UBXN7: variants seen among roughly 807,000 people sequenced by gnomAD.
The protein encoded by UBXN7 is UBX domain protein 7.
In UBXN7, 9 loss-of-function variants were observed where a neutral mutation model predicts 58.0. That is an observed-to-expected ratio of 0.16 (90% confidence interval 0.09 to 0.27). UBXN7 has a LOEUF of 0.27. UBXN7 is among the 10% of genes least tolerant of loss of function. The pLI is 1.00. For synonymous variants in UBXN7, 208 were observed against 205.0 expected, an observed-to-expected ratio of 1.01 and a Z score of -0.12; for missense variants, 328 against 599.6, an observed-to-expected ratio of 0.55 and a Z score of 4.73.
At chr3:196,393,421 C>G in intron 4 of UBXN7, 133 bp downstream of exon 4, 6 of 802,712 alleles carry the variant, frequency 7.5e-6, no homozygotes, top group Non-Finnish European at 1.1e-5. Flanking sequence ...GAGAATTAAT[C>G]ACATTCTGGA....
chr3:196,410,390 T>C (rs1730288942), intron 1 of UBXN7, among the ~76,000 whole-genome samples: 1 of 152,252 alleles, frequency 6.6e-6, no homozygotes, highest in African/African-American at 2.4e-5. Flanking sequence ...TCTTCTGTAC[T>C]ACTGTCTCTA....
At chr3:196,408,097 CAAAAAAA>C (rs71621241) in intron 1 of UBXN7, among the ~76,000 whole-genome samples, 12 of 45,240 alleles carry the variant, frequency 2.7e-4, no homozygotes, top group East Asian at 7.8e-4. Flanking sequence ...GACTCTGTCT[CAAAAAAA>C]AAAAAAAAAA....
At chr3:196,371,840 A>G in intron 6 of UBXN7, 56 bp downstream of exon 6, 1 of 1,574,248 alleles carries the variant, frequency 6.4e-7, no homozygotes, top group Admixed American at 1.9e-5. Context: ...TTCCCTCAAC[A>G]ACCCACACTA....
chr3:196,425,445 T>C (rs530640235), intron 1 of UBXN7, among the ~76,000 whole-genome samples: 2 of 151,980 alleles, frequency 1.3e-5, no homozygotes, highest in Admixed American at 6.6e-5. Context: ...TTTTAATACA[T>C]TTTGTAGAGA....
In UBXN7 at chr3:196,406,536, C is replaced by T. The variant is rs188826714; in HGVS notation, c.221+710G>A. ...GTCACTGCAACCTCTGCCTCCTGGG[C>T]TCAAGCAATTCTTGTGCCTCAGCCT... On this transcript the variant is annotated intron_variant, in intron 2 of 10. Coordinates refer to ENST00000296328, the MANE Select transcript of UBXN7 (RefSeq NM_015562.2). Among the ~76,000 whole-genome samples, 790 of 152,040 alleles carry T rather than the reference C, an allele frequency of 5.2e-3. 5 individuals carry two copies. The highest frequency in any genetic ancestry group is 8.5e-3 in the Non-Finnish European group (578 of 67,968).
chr3:196,362,430 C>T lies in UBXN7; in HGVS notation c.1092G>A (p.Arg364=). Residue 364 remains arginine, a synonymous_variant, in exon 9 of 11, where the codon AGG becomes AGA. Transcript: ENST00000296328. ...TTCTGACTGGTGGCTCAGTCAGCGGCCTTCTATTCTCCTCTTTTCTATGCC... is the reference window on the plus strand; with the variant it reads ...TTCTGACTGGTGGCTCAGTCAGCGGTCTTCTATTCTCCTCTTTTCTATGCC... ...DLGHRKEENR[R]PLTEPPVRTD... The T allele has an allele frequency of 6.2e-7, 1 of 1,614,132 alleles. No individual in the cohort carries two copies. Among genetic ancestry groups the T allele is most frequent in the Non-Finnish European group, 8.5e-7 (1 of 1,180,032 alleles).
At chr3:196,415,546 A>AG (rs1300882841) in intron 1 of UBXN7, among the ~76,000 whole-genome samples, 2 of 147,192 alleles carry the variant, frequency 1.4e-5, no homozygotes, top group Non-Finnish European at 3.0e-5. Context: ...GGAGGCCGAG[A>AG]CAGGTGGTCA....
intron 2 of UBXN7, 101 bp from the exon 3 acceptor site, chr3:196,403,120 T>G (rs1730044275): frequency 8.3e-7 from 1 of 1,200,814 alleles, no homozygotes; most frequent in Admixed American, 2.6e-5. Flanking sequence ...CGTAGTGACT[T>G]TTAGAAGCAC....
intron 1 of UBXN7, among the ~76,000 whole-genome samples, chr3:196,425,828 A>G (rs866752767): frequency 3.0e-4 from 45 of 152,248 alleles, no homozygotes; most frequent in Middle Eastern, 3.4e-3. Context: ...TTTTAGATAA[A>G]AAAGTATTTA....
chr3:196,372,235 C>T (rs921234253), intron 5 of UBXN7, among the ~76,000 whole-genome samples, 193 bp from the exon 6 acceptor site: 2 of 151,540 alleles, frequency 1.3e-5, no homozygotes, highest in African/African-American at 4.8e-5. Flanking sequence ...CTGTCCATTT[C>T]AAGCACTGCT....
chr3:196,378,229 C>T (rs756855906), intron 5 of UBXN7, among the ~76,000 whole-genome samples: 1 of 149,528 alleles, frequency 6.7e-6, no homozygotes, highest in Non-Finnish European at 1.5e-5. Context: ...AACCCATTCT[C>T]CCCTTGTCCC....
At chr3:196,431,554 C>T (rs1300712718) in intron 1 of UBXN7, 1 of 159,670 alleles carries the variant, frequency 6.3e-6, no homozygotes, top group Non-Finnish European at 1.4e-5. Context: ...AAGTTTCTGC[C>T]GCCATCCCTA....
rs539572873 is a variant in UBXN7 at position 196,369,043 on chromosome 3, C to G, written c.706+378G>C. On this transcript the variant is annotated intron_variant, in intron 7 of 10. Transcript: ENST00000296328. ...GTTTCACCGTGTTAGCCAGGATGGT[C>G]TGGATCGCCTGACCTCATGATCCGC... Among the ~76,000 whole-genome samples the G allele has an allele frequency of 2.6e-5, 4 of 152,238 alleles. No homozygotes were observed. The South Asian group carries it at 8.3e-4, about 32-fold the overall frequency.
intron 1 of UBXN7, chr3:196,414,512 C>T (rs1250864964): frequency 2.6e-5 from 4 of 152,234 alleles, no homozygotes; most frequent in Non-Finnish European, 5.9e-5. Context: ...CTACTCTCAT[C>T]TCACCTCTGT....
chr3:196,401,236 AC>A lies in UBXN7; in HGVS notation c.289+1715del, dbSNP rs1180384033. Among the ~76,000 whole-genome samples, 416 of 92,820 alleles carry A rather than the reference AC, an allele frequency of 4.5e-3. 3 individuals are homozygous for A. Among genetic ancestry groups the A allele is most frequent in the Middle Eastern group, 0.014 (2 of 148 alleles). The allele number at this position is 92,820 out of a possible 152,430, so 60.9% of individuals were successfully genotyped here. ...AGATCAGCCTGACTAACATGGAGAA[AC>A]CCCGTCTCTCCAAAAAAAAAAAAAA... On this transcript the variant is annotated intron_variant, in intron 3 of 10. Coordinates refer to ENST00000296328, the MANE Select transcript of UBXN7 (RefSeq NM_015562.2).
intron 5 of UBXN7, among the ~76,000 whole-genome samples, chr3:196,378,336 G>T (rs1220142163): frequency 6.6e-6 from 1 of 152,168 alleles, no homozygotes; most frequent in Non-Finnish European, 1.5e-5. Context: ...ATAGTAGATG[G>T]AATGTAGACA....
chr3:196,391,558 C>G (rs1299704714), intron 5 of UBXN7, among the ~76,000 whole-genome samples: 3 of 151,640 alleles, frequency 2.0e-5, no homozygotes, highest in Non-Finnish European at 2.9e-5. Context: ...CAGTGAGACC[C>G]TGTCTCTACC....
chr3:196,363,073 TTTTA>T (rs746341706), intron 8 of UBXN7, among the ~76,000 whole-genome samples: 6 of 151,652 alleles, frequency 4.0e-5, no homozygotes, highest in Admixed American at 1.3e-4. Flanking sequence ...CCCAGCTAAT[TTTTA>T]TTTATTTATT....
At chr3:196,429,447 C>T (rs1406669498) in intron 1 of UBXN7, among the ~76,000 whole-genome samples, 1 of 151,884 alleles carries the variant, frequency 6.6e-6, no homozygotes, top group Non-Finnish European at 1.5e-5. Context: ...TTTCTAAATG[C>T]CAAAAAAAGA....
Sources: gnomAD v4.1 joint callset for allele counts (sites outside exome capture counted in the v4.1 genomes callset) on GRCh38, gnomAD v4.1.1 for gene constraint, MANE v1.5 for transcripts, NCBI Gene and HGNC (gene_info 2026-07-23, HGNC 2026-07-21) for gene names.